Variants in TULP4 observed in about 807,000 individuals in gnomAD.
The protein encoded by TULP4 is tubby-related protein 4.
Under a neutral mutation model 129.0 loss-of-function variants are expected in TULP4, and 16 were observed. The ratio of observed to expected loss-of-function variants is 0.12; its 90% CI spans 0.08 to 0.19. TULP4 has a LOEUF of 0.19. Among genes scored for constraint, TULP4 ranks in the 10% least tolerant of loss-of-function variants. The pLI is 1.00. For synonymous variants in TULP4, 998 were observed against 854.0 expected, an observed-to-expected ratio of 1.17 and a Z score of -2.94; for missense variants, 1,842 against 2,059.1, an observed-to-expected ratio of 0.89 and a Z score of 2.04.
intron 1 of TULP4, among the ~76,000 whole-genome samples, chr6:158,260,507 C>T (rs1778331822): frequency 6.7e-6 from 1 of 149,294 alleles, no homozygotes; most frequent in South Asian, 2.1e-4. Flanking sequence ...ACCCGGGGGG[C>T]GGAGCTTGCA....
Position 158,503,101 on chromosome 6 carries a change from C to G in TULP4, c.3438C>G (p.Asn1146Lys). 2 of 1,614,120 alleles carry G rather than the reference C, an allele frequency of 1.2e-6. No homozygotes were observed. Among genetic ancestry groups the G allele is most frequent in the Non-Finnish European group, 1.7e-6 (2 of 1,179,994 alleles). The stretch of plus-strand genomic sequence containing the variant: ...GGACAGCACAGACTTCAGGGCCCAA[C>G]CCCTTAAAACTGTCCTCTCTGATGC... ...QERTAQTSGPNPLKLSSLMLS... is the reference protein window; with the variant it reads ...QERTAQTSGPKPLKLSSLMLS... Residue 1146 changes from asparagine (N) to lysine (K), a missense_variant, in exon 13 of 14, where the codon AAC becomes AAG. This residue lies in a region of TULP4 where 1,089 missense variants were observed against 987.1 expected (regional missense o/e 1.10). Transcript: ENST00000367097. The surrounding 1 kb of genome is among the most constrained non-coding windows in gnomAD (Gnocchi z 4.3).
At chr6:158,290,276 A>G (rs1778911721) in intron 1 of TULP4, among the ~76,000 whole-genome samples, 1 of 152,116 alleles carries the variant, frequency 6.6e-6, no homozygotes, top group Non-Finnish European at 1.5e-5. Context: ...TTCCCTGATG[A>G]TAGTGATGTG....
chr6:158,484,403 G>A (rs184377842), intron 8 of TULP4, among the ~76,000 whole-genome samples: 212 of 151,906 alleles, frequency 1.4e-3, no homozygotes, highest in Admixed American at 3.8e-3. Context: ...CTCCTGCCTC[G>A]GTCGCCAAAG....
intron 6 of TULP4, among the ~76,000 whole-genome samples, chr6:158,474,012 G>C (rs866559170): frequency 6.6e-6 from 1 of 151,746 alleles, no homozygotes; most frequent in Non-Finnish European, 1.5e-5. Context: ...GTAGAGACAG[G>C]GTCTTGCTAT....
intron 13 of TULP4, among the ~76,000 whole-genome samples, chr6:158,505,863 T>A (rs1780588679): frequency 6.6e-6 from 1 of 152,128 alleles, no homozygotes; most frequent in African/African-American, 2.4e-5. Flanking sequence ...CCCCATTCTT[T>A]TTTTTTTTTC....
chr6:158,372,126 T>TG (rs1372899795), intron 1 of TULP4, among the ~76,000 whole-genome samples: 50 of 74,318 alleles, frequency 6.7e-4, no homozygotes, highest in African/African-American at 2.3e-3. Context: ...TTTTCTAGTT[T>TG]TTTTTTTTTT....
intron 1 of TULP4, among the ~76,000 whole-genome samples, chr6:158,271,870 T>A (rs1264597677): frequency 6.6e-6 from 1 of 152,246 alleles, no homozygotes; most frequent in Non-Finnish European, 1.5e-5. Flanking sequence ...ATTGAAATGC[T>A]ACGTTTGAAA....
chr6:158,350,005 C>T (rs1394147639), intron 1 of TULP4, among the ~76,000 whole-genome samples: 1 of 146,554 alleles, frequency 6.8e-6, no homozygotes, highest in Non-Finnish European at 1.5e-5. Flanking sequence ...GCGCTCCTCA[C>T]TTCCCAGGCG....
At chr6:158,397,478 C>T (rs1240813338) in intron 1 of TULP4, among the ~76,000 whole-genome samples, 1 of 152,144 alleles carries the variant, frequency 6.6e-6, no homozygotes, top group Non-Finnish European at 1.5e-5. Flanking sequence ...TGCAGCCCAA[C>T]ACAAATTCGT....
At chr6:158,307,479 T>G (rs978069271), upstream of TULP4, among the ~76,000 whole-genome samples, 11 of 152,206 alleles carry the variant, frequency 7.2e-5, no homozygotes, top group African/African-American at 2.7e-4. Context: ...TTCTTTGCAC[T>G]TTTTTTGTTT....
At position 158,426,178 on chromosome 6, in the gene TULP4, A is replaced by G. The variant is rs113382463; in HGVS notation, c.382-3558A>G. ...TTTTCTCCCATTCTGTAGATTGTCT[A>G]TTTACTTTATTGATAGTTTCTTTTG... On this transcript the variant is annotated intron_variant, in intron 2 of 13. Transcript: ENST00000367097. Among the ~76,000 whole-genome samples, 328 of 148,632 alleles carry G rather than the reference A, an allele frequency of 2.2e-3. 3 individuals carry two copies. In the East Asian group the frequency reaches 0.022, roughly 10 times the overall value.
chr6:158,332,169 CAAAAAAAAAAAAAAAAAAA>C (rs1169601263), intron 1 of TULP4, among the ~76,000 whole-genome samples: 63 of 65,302 alleles, frequency 9.6e-4, no homozygotes, highest in South Asian at 3.3e-3. Flanking sequence ...AAGACTCTGT[CAAAAAAAAAAAAAAAAAAA>C]AAAAAAAAAA....
intron 1 of TULP4, among the ~76,000 whole-genome samples, chr6:158,405,697 AT>A (rs1361601188): frequency 7.2e-5 from 11 of 152,072 alleles, no homozygotes; most frequent in African/African-American, 2.4e-4. Context: ...CTGGGCTGAG[AT>A]TATGGTGCGT....
chr6:158,297,600 A>G (rs1247508406), intron 1 of TULP4, among the ~76,000 whole-genome samples: 1 of 152,204 alleles, frequency 6.6e-6, no homozygotes, highest in Non-Finnish European at 1.5e-5. Flanking sequence ...AAGAAATTAT[A>G]AAAGTATTAA....
intron 1 of TULP4, among the ~76,000 whole-genome samples, chr6:158,342,947 A>ATGTGTGTGTGTGTGTG (rs5881254): frequency 0.031 from 4,574 of 147,514 alleles, 107 homozygotes; most frequent in Middle Eastern, 0.042. Context: ...TTAAAAATAA[A>ATGTGTGTGTGTGTGTG]TGTGTGTGTG....
At chr6:158,308,409 A>C (rs1779256009), upstream of TULP4, among the ~76,000 whole-genome samples, 1 of 152,008 alleles carries the variant, frequency 6.6e-6, no homozygotes, top group African/African-American at 2.4e-5. Flanking sequence ...TTCTTTCTAC[A>C]CAGACACGGC....
intron 1 of TULP4, among the ~76,000 whole-genome samples, chr6:158,372,393 C>T (rs1364915242): frequency 3.3e-5 from 5 of 151,636 alleles, no homozygotes; most frequent in African/African-American, 1.2e-4. Context: ...TTAAGTAAAG[C>T]ATTTAACATT....
intron 1 of TULP4, among the ~76,000 whole-genome samples, chr6:158,240,080 C>G: frequency 1.2e-5 from 1 of 86,154 alleles, no homozygotes; most frequent in African/African-American, 3.9e-5. Flanking sequence ...GGCGGCTGGC[C>G]GGGCAGAGGG....
chr6:158,362,454 A>G (rs1280340186), intron 1 of TULP4, among the ~76,000 whole-genome samples: 1 of 152,078 alleles, frequency 6.6e-6, no homozygotes, highest in Non-Finnish European at 1.5e-5. Context: ...GGCTCAAGCA[A>G]TGCTCCCGCC....
Sources: allele counts gnomAD v4.1 joint callset (sites outside exome capture counted in the v4.1 genomes callset), GRCh38; gene constraint gnomAD v4.1.1; regional missense constraint gnomAD v4.1.1; non-coding constraint Gnocchi (gnomAD v3.1); transcripts MANE v1.5; gene names NCBI Gene and HGNC (gene_info 2026-07-23, HGNC 2026-07-21).